MYBPC1: variants seen among roughly 807,000 people sequenced by gnomAD.
MYBPC1 encodes myosin binding protein C1, also known as myosin-binding protein C, slow-type.
MYBPC1 carries 52 observed loss-of-function variants against 147.1 expected under a neutral mutation model. That is an observed-to-expected ratio of 0.35 (90% CI 0.28 to 0.45). The LOEUF (loss-of-function observed/expected upper bound fraction) is 0.45. Ranked by LOEUF, MYBPC1 falls within the 20% of genes least tolerant of loss-of-function variation. The pLI is 1.00. For missense variants in MYBPC1, 1,228 were observed against 1,440.3 expected (o/e 0.85, Z 2.39); for synonymous variants, 477 against 475.9 (o/e 1.00, Z -0.03).
chr12:101,605,348 T>C (rs1318151247), intron 1 of MYBPC1, among the ~76,000 whole-genome samples: 1 of 152,226 alleles, frequency 6.6e-6, no homozygotes, highest in African/African-American at 2.4e-5. Flanking sequence ...TGAGTTTGTT[T>C]TAAAAATAAC....
intron 3 of MYBPC1, among the ~76,000 whole-genome samples, chr12:101,619,433 C>A (rs528011095): frequency 6.6e-6 from 1 of 152,070 alleles, no homozygotes; most frequent in Non-Finnish European, 1.5e-5. Context: ...TGACATTGGC[C>A]CCCTCATCTT....
chr12:101,674,065 A>G (rs1006371090), intron 25 of MYBPC1, among the ~76,000 whole-genome samples: 3 of 152,204 alleles, frequency 2.0e-5, no homozygotes, highest in African/African-American at 4.8e-5. Flanking sequence ...AAAAAAGGAC[A>G]GTAAGATTTG....
chr12:101,671,286 C>CAG (rs1898610939), intron 24 of MYBPC1, among the ~76,000 whole-genome samples: 1 of 151,030 alleles, frequency 6.6e-6, no homozygotes, highest in Non-Finnish European at 1.5e-5. Context: ...GAATGTAGGT[C>CAG]TCTACACACA....
At chr12:101,663,345 TC>T in intron 21 of MYBPC1, 80 bp from the exon 22 acceptor site, 1 of 1,218,180 alleles carries the variant, frequency 8.2e-7, no homozygotes. Flanking sequence ...TTTATTTGTA[TC>T]CCCATTGGTT....
chr12:101,608,408 T>C (rs542036063), intron 1 of MYBPC1, among the ~76,000 whole-genome samples: 1 of 152,314 alleles, frequency 6.6e-6, no homozygotes, highest in South Asian at 2.1e-4. Flanking sequence ...AAAAAAGATA[T>C]TGTGTGAGAG....
At chr12:101,644,953 G>A (rs1593861351) in intron 12 of MYBPC1, among the ~76,000 whole-genome samples, 157 bp downstream of exon 12, 1 of 152,048 alleles carries the variant, frequency 6.6e-6, no homozygotes, top group Middle Eastern at 3.4e-3. Context: ...TATTTATTAG[G>A]GAAACATGAT....
intron 24 of MYBPC1, 24 bp downstream of exon 24, chr12:101,670,433 T>C: frequency 1.3e-6 from 2 of 1,589,428 alleles, no homozygotes; most frequent in Non-Finnish European, 1.7e-6. Flanking sequence ...GGTCGCTCTT[T>C]TTCTCTTTAG....
chr12:101,638,510 C>T (rs1256540437), intron 10 of MYBPC1, among the ~76,000 whole-genome samples: 1 of 152,134 alleles, frequency 6.6e-6, no homozygotes, highest in Non-Finnish European at 1.5e-5. Flanking sequence ...GTGTAAAAAG[C>T]TTGGTTCACA....
rs1951326605 is a variant in MYBPC1, at chr12:101,685,865, A to T, written c.*303A>T. The T allele has an allele frequency of 2.0e-6, 1 of 508,370 alleles. No individual in the cohort carries two copies. Among genetic ancestry groups the T allele is most frequent in the Non-Finnish European group, 3.4e-6 (1 of 290,284 alleles). 31.5% of individuals were successfully genotyped at this position (508,370 alleles called of 1,614,324 possible). A position where few individuals can be genotyped will look rare whatever the true frequency, so the allele number is the denominator to read the frequency against. On this transcript the variant is annotated 3_prime_UTR_variant, in exon 32 of 32. Coordinates refer to ENST00000361466, the MANE Select transcript of MYBPC1 (RefSeq NM_002465.4). ...TGCTTAATTAAAAATTGCAAACAAA[A>T]TCTCATTTGAAGTCAGCACTTTGGT...
intron 13 of MYBPC1, 189 bp downstream of exon 13, chr12:101,647,076 C>T (rs1893328082): frequency 1.3e-5 from 9 of 672,200 alleles, no homozygotes; most frequent in South Asian, 1.3e-4. Context: ...ACAAATGCCT[C>T]ATGTTTTGAC....
chr12:101,665,691 G>A (rs757179551), intron 22 of MYBPC1, among the ~76,000 whole-genome samples: 10 of 151,878 alleles, frequency 6.6e-5, no homozygotes, highest in Non-Finnish European at 1.3e-4. Flanking sequence ...GGCTATTTTT[G>A]TTCCCCCTCT....
intron 1 of MYBPC1, among the ~76,000 whole-genome samples, chr12:101,596,378 A>T (rs1193672441): frequency 1.3e-5 from 2 of 152,224 alleles, no homozygotes; most frequent in African/African-American, 4.8e-5. Context: ...AACCCCTGCT[A>T]AAGTATCTTA....
chr12:101,653,046 CCAAACATTAGT>C (rs1458413728), intron 17 of MYBPC1, 58 bp from the exon 18 acceptor site: 16 of 1,566,276 alleles, frequency 1.0e-5, no homozygotes, highest in Admixed American at 6.7e-5. Context: ...ATCATACTAG[CCAAACATTAGT>C]GCAGATATTT....
intron 1 of MYBPC1, among the ~76,000 whole-genome samples, chr12:101,604,696 A>C (rs1881453731): frequency 6.6e-6 from 1 of 152,174 alleles, no homozygotes; most frequent in Non-Finnish European, 1.5e-5. Context: ...TGCTCTTTTG[A>C]AAAATGGACT....
intron 29 of MYBPC1, among the ~76,000 whole-genome samples, chr12:101,681,576 A>T (rs1338227305): frequency 4.7e-5 from 1 of 21,434 alleles, no homozygotes; most frequent in East Asian, 8.5e-4. Context: ...ATATATATAT[A>T]TATATATATA....
chr12:101,673,764 T>A, intron 25 of MYBPC1, 142 bp downstream of exon 25: 1 of 973,886 alleles, frequency 1.0e-6, no homozygotes, highest in Non-Finnish European at 1.5e-6. Context: ...TAAAAATAGA[T>A]AAATTAGGCT....
chr12:101,637,679 GACT>G (rs1316357218), intron 10 of MYBPC1, among the ~76,000 whole-genome samples: 2 of 152,008 alleles, frequency 1.3e-5, no homozygotes, highest in African/African-American at 4.8e-5. Context: ...GTTATTAAAA[GACT>G]ACAAGTACAA....
chr12:101,673,769 T>G, intron 25 of MYBPC1, 147 bp downstream of exon 25: 1 of 950,586 alleles, frequency 1.1e-6, no homozygotes. Flanking sequence ...ATAGATAAAT[T>G]AGGCTGGGCG....
chr12:101,651,722 A>G (rs1044995457), intron 16 of MYBPC1, among the ~76,000 whole-genome samples: 1 of 152,140 alleles, frequency 6.6e-6, no homozygotes, highest in South Asian at 2.1e-4. Flanking sequence ...AGACGGATCA[A>G]TTGAGCTCAG....
Sources: allele counts gnomAD v4.1 joint callset (sites outside exome capture counted in the v4.1 genomes callset), GRCh38; gene constraint gnomAD v4.1.1; transcripts MANE v1.5; gene names NCBI Gene and HGNC (gene_info 2026-07-23, HGNC 2026-07-21).